EEFSEC: variants seen among roughly 807,000 people sequenced by gnomAD.
EEFSEC encodes eukaryotic elongation factor, selenocysteine-tRNA specific, also known as selenocysteine-specific elongation factor.
In EEFSEC, 43 loss-of-function variants were observed where a neutral mutation model predicts 42.1. The ratio of observed to expected loss-of-function variants is 1.02; its 90% confidence interval spans 0.80 to 1.32. EEFSEC has a LOEUF of 1.32. EEFSEC is among the 40% of genes most tolerant of loss of function. The probability of loss-of-function intolerance (pLI) is 0.00; values close to 1 mark genes in which losing one functional copy is unlikely to be tolerated. For missense variants in EEFSEC, 745 were observed against 803.6 expected (o/e 0.93, Z 0.88); for synonymous variants, 354 against 339.1 (o/e 1.04, Z -0.48).
chr3:128,293,123 A>G (rs780377879), intron 4 of EEFSEC, among the ~76,000 whole-genome samples: 7 of 152,120 alleles, frequency 4.6e-5, no homozygotes, highest in Non-Finnish European at 1.0e-4. Flanking sequence ...CTCTTATTCC[A>G]CTGTGGTCAG....
intron 4 of EEFSEC, among the ~76,000 whole-genome samples, chr3:128,277,420 TATAA>T (rs910760571): frequency 6.0e-4 from 91 of 152,364 alleles, no homozygotes; most frequent in African/African-American, 1.9e-3. Flanking sequence ...TGTTCTTGTT[TATAA>T]ATAAATTCCA....
chr3:128,174,706 T>A (rs1263258029), intron 1 of EEFSEC, among the ~76,000 whole-genome samples: 1 of 152,188 alleles, frequency 6.6e-6, no homozygotes, highest in Non-Finnish European at 1.5e-5. Flanking sequence ...TACCTTCGGG[T>A]TTGCTGTTAG....
intron 4 of EEFSEC, among the ~76,000 whole-genome samples, chr3:128,316,206 C>G (rs1227658160): frequency 6.6e-6 from 1 of 152,190 alleles, no homozygotes; most frequent in African/African-American, 2.4e-5. Context: ...AATTCACTAT[C>G]AGGTAAAGTT....
At chr3:128,423,059 T>G in the EEFSEC span, among the ~76,000 whole-genome samples, 94 of 152,352 alleles carry the variant, frequency 6.2e-4, no homozygotes, top group African/African-American at 2.1e-3. Flanking sequence ...TCACCCTGTC[T>G]GTGCCTCAGC....
At chr3:128,329,373 C>T (rs971639564) in intron 4 of EEFSEC, among the ~76,000 whole-genome samples, 5 of 152,158 alleles carry the variant, frequency 3.3e-5, no homozygotes. Flanking sequence ...TGAGCATGCT[C>T]CTCTGTGCCA....
intron 6 of EEFSEC, among the ~76,000 whole-genome samples, chr3:128,358,987 G>A (rs550969604): frequency 1.3e-5 from 2 of 152,312 alleles, no homozygotes; most frequent in South Asian, 4.1e-4. Flanking sequence ...TGCAAGCATT[G>A]TGCTTGGTGC....
At chr3:128,225,748 G>A (rs2065901561) in intron 1 of EEFSEC, among the ~76,000 whole-genome samples, 1 of 152,172 alleles carries the variant, frequency 6.6e-6, no homozygotes, top group Non-Finnish European at 1.5e-5. Context: ...GGTCTGGATG[G>A]TTAGGCACCC....
At chr3:128,401,952 C>A (rs149257602) in intron 6 of EEFSEC, among the ~76,000 whole-genome samples, 6 of 152,230 alleles carry the variant, frequency 3.9e-5, no homozygotes, top group African/African-American at 7.2e-5. Context: ...AGAGACAGCA[C>A]CATGGGCCTA....
intron 5 of EEFSEC, among the ~76,000 whole-genome samples, chr3:128,345,902 TACA>T (rs2067307124): frequency 1.3e-5 from 2 of 152,236 alleles, no homozygotes; most frequent in African/African-American, 4.8e-5. Flanking sequence ...GCACTGTGCA[TACA>T]ACAAGATAGA....
intron 4 of EEFSEC, among the ~76,000 whole-genome samples, chr3:128,339,452 C>T (rs1275693083): frequency 6.6e-6 from 1 of 152,202 alleles, no homozygotes; most frequent in African/African-American, 2.4e-5. Context: ...ACATATTTCT[C>T]TGCTTCAAAT....
chr3:128,411,884 C>G (rs1165209726), downstream of EEFSEC, among the ~76,000 whole-genome samples: 1 of 152,232 alleles, frequency 6.6e-6, no homozygotes, highest in African/African-American at 2.4e-5. Context: ...TGTGCGCACA[C>G]GGGCTTTGGT....
chr3:128,301,583 A>C (rs2066769069), intron 4 of EEFSEC, among the ~76,000 whole-genome samples: 2 of 152,102 alleles, frequency 1.3e-5, no homozygotes, highest in African/African-American at 4.8e-5. Context: ...AGGCCTGCTA[A>C]ACGTACTCTC....
intron 6 of EEFSEC, among the ~76,000 whole-genome samples, chr3:128,364,369 C>G (rs1156465221): frequency 1.3e-5 from 2 of 152,086 alleles, no homozygotes; most frequent in East Asian, 3.9e-4. Context: ...GAGAGGAGGG[C>G]CAGAGCAAGC....
intron 2 of EEFSEC, among the ~76,000 whole-genome samples, chr3:128,249,384 G>A (rs1462829451): frequency 6.6e-6 from 1 of 152,064 alleles, no homozygotes; most frequent in African/African-American, 2.4e-5. Flanking sequence ...ACTATGTGTA[G>A]TATTGCCCCC....
the EEFSEC span, among the ~76,000 whole-genome samples, chr3:128,417,685 T>C: frequency 6.6e-6 from 1 of 152,188 alleles, no homozygotes; most frequent in South Asian, 2.1e-4. The surrounding 1 kb of genome is among the most constrained non-coding windows in gnomAD (Gnocchi z 4.3). Flanking sequence ...ACAGGAGCAC[T>C]CGGGCCAGTG....
intron 1 of EEFSEC, among the ~76,000 whole-genome samples, chr3:128,210,935 A>G (rs777380914): frequency 2.0e-5 from 3 of 152,172 alleles, no homozygotes; most frequent in Admixed American, 6.5e-5. Flanking sequence ...TGTCCTGCCA[A>G]TCTGTTAGAC....
intron 4 of EEFSEC, among the ~76,000 whole-genome samples, chr3:128,278,343 G>C (rs1308842360): frequency 1.3e-5 from 2 of 152,222 alleles, no homozygotes; most frequent in Non-Finnish European, 2.9e-5. Flanking sequence ...GGACAGTGAA[G>C]GGGAGAGGCA....
chr3:128,179,637 C>G (rs116781333), intron 1 of EEFSEC, among the ~76,000 whole-genome samples: 188 of 152,348 alleles, frequency 1.2e-3, no homozygotes, highest in African/African-American at 4.3e-3. Context: ...CAACTTGCAG[C>G]TTGTCCCTCA....
chr3:128,343,955 G>A (rs1171673883), intron 5 of EEFSEC, among the ~76,000 whole-genome samples: 3 of 152,214 alleles, frequency 2.0e-5, no homozygotes, highest in African/African-American at 7.2e-5. Flanking sequence ...CTCCAACCAG[G>A]GACAGCCTCA....
Sources: gnomAD v4.1 joint callset for allele counts (sites outside exome capture counted in the v4.1 genomes callset) on GRCh38, gnomAD v4.1.1 for gene constraint, Gnocchi (gnomAD v3.1) non-coding constraint, MANE v1.5 for transcripts, NCBI Gene and HGNC (gene_info 2026-07-23, HGNC 2026-07-21) for gene names.